ROCK1: variants seen among roughly 807,000 people sequenced by gnomAD.
ROCK1 encodes Rho associated coiled-coil containing protein kinase 1.
A neutral mutation model predicts 196.8 loss-of-function variants in ROCK1; 36 were observed. That is an observed-to-expected ratio of 0.18 (90% confidence interval 0.14 to 0.24). The LOEUF is 0.24. Among genes scored for constraint, ROCK1 ranks in the 10% least tolerant of loss-of-function variants. ROCK1 has a pLI of 1.00. For missense variants in ROCK1, 920 were observed against 1,562.0 expected, an observed-to-expected ratio of 0.59 and a Z score of 6.93; for synonymous variants, 443 against 515.9, an observed-to-expected ratio of 0.86 and a Z score of 1.91.
intron 8 of ROCK1, 99 bp from the exon 9 acceptor site, chr18:21,039,662 C>A: frequency 1.3e-6 from 1 of 781,722 alleles, no homozygotes; most frequent in South Asian, 1.5e-5. Context: ...CAGTGTAGGA[C>A]GACAAATATA....
chr18:21,039,674 T>C (rs1287854301), intron 8 of ROCK1, 111 bp from the exon 9 acceptor site: 6 of 700,748 alleles, frequency 8.6e-6, no homozygotes, highest in Non-Finnish European at 1.5e-5. Flanking sequence ...ACAAATATAG[T>C]TCTAAGGTGA....
chr18:21,023,385 CT>C (rs2035930520), intron 11 of ROCK1, among the ~76,000 whole-genome samples: 1 of 152,068 alleles, frequency 6.6e-6, no homozygotes, highest in Non-Finnish European at 1.5e-5. Context: ...AAGATGACCA[CT>C]GTCAATCTGT....
chr18:21,056,843 G>C (rs1317933751), intron 2 of ROCK1, among the ~76,000 whole-genome samples: 1 of 152,098 alleles, frequency 6.6e-6, no homozygotes, highest in East Asian at 1.9e-4. Context: ...AAACAGGCCA[G>C]GTACACTCTC....
At chr18:21,076,729 C>G (rs2036435443) in intron 1 of ROCK1, among the ~76,000 whole-genome samples, 1 of 151,748 alleles carries the variant, frequency 6.6e-6, no homozygotes, top group Admixed American at 6.6e-5. Context: ...TTTTAAGTCA[C>G]TATCAGATGT....
intron 1 of ROCK1, among the ~76,000 whole-genome samples, chr18:21,071,603 C>G (rs777590231): frequency 3.9e-5 from 6 of 152,136 alleles, no homozygotes; most frequent in Non-Finnish European, 8.8e-5. Flanking sequence ...ATGGCAGGAA[C>G]TGGAAGAACT....
At chr18:21,068,266 C>T (rs981105047) in intron 2 of ROCK1, among the ~76,000 whole-genome samples, 27 of 152,186 alleles carry the variant, frequency 1.8e-4, no homozygotes, top group African/African-American at 6.3e-4. Flanking sequence ...GAGGCTTGAA[C>T]ATTGAATTAT....
chr18:20,982,881 G>T, intron 20 of ROCK1, 49 bp from the exon 21 acceptor site: 3 of 783,250 alleles, frequency 3.8e-6, no homozygotes, highest in East Asian at 5.3e-5. Flanking sequence ...ACTTATACTA[G>T]ACTTCATTTT....
In ROCK1 at chr18:21,004,926, T is replaced by C. The variant is rs568840679; in HGVS notation, c.1885+1425A>G. Among the ~76,000 whole-genome samples, 4 of 152,288 alleles carry C rather than the reference T, an allele frequency of 2.6e-5. No individual in the cohort carries two copies. In the South Asian group the frequency reaches 8.3e-4, roughly 32 times the overall value. Reference sequence around the variant, plus strand: ...AGCTAAGAACCAACAGGAGATTGTATTTTCTGTTTCCTTAGTCACAAAAAC... The same window carrying C: ...AGCTAAGAACCAACAGGAGATTGTACTTTCTGTTTCCTTAGTCACAAAAAC... On this transcript the variant is annotated intron_variant, in intron 16 of 32. Coordinates refer to ENST00000399799, the MANE Select transcript of ROCK1 (RefSeq NM_005406.3).
intron 17 of ROCK1, among the ~76,000 whole-genome samples, chr18:20,991,660 G>A (rs2035627454): frequency 1.3e-5 from 2 of 151,164 alleles, no homozygotes; most frequent in South Asian, 4.2e-4. Context: ...AAAGAGATGA[G>A]GTCTCACTCT....
chr18:20,952,867 A>C (rs1024923080), intron 32 of ROCK1, among the ~76,000 whole-genome samples: 1 of 151,994 alleles, frequency 6.6e-6, no homozygotes, highest in Non-Finnish European at 1.5e-5. Flanking sequence ...GCAAACTAAC[A>C]CAGGAATAGA....
chr18:21,086,027 G>A (rs551604076), intron 1 of ROCK1, among the ~76,000 whole-genome samples: 50 of 152,094 alleles, frequency 3.3e-4, no homozygotes, highest in African/African-American at 1.2e-3. Flanking sequence ...TTTCTCAAAC[G>A]ATTCTTTTAA....
At chr18:21,035,165 G>A (rs1432297397) in intron 9 of ROCK1, among the ~76,000 whole-genome samples, 1 of 152,218 alleles carries the variant, frequency 6.6e-6, no homozygotes, top group Non-Finnish European at 1.5e-5. Flanking sequence ...TGGAGATGTG[G>A]AGAAACCAGA....
At chr18:21,017,104 A>G (rs2035869221) in intron 12 of ROCK1, among the ~76,000 whole-genome samples, 1 of 152,016 alleles carries the variant, frequency 6.6e-6, no homozygotes. Context: ...GATCTCTGAC[A>G]AAACAGTACA....
chr18:20,978,264 G>GT (rs1568373301), intron 22 of ROCK1, among the ~76,000 whole-genome samples: 1 of 151,032 alleles, frequency 6.6e-6, no homozygotes, highest in African/African-American at 2.4e-5. Context: ...AACACCTAAT[G>GT]TATTAAGGAT....
At chr18:20,988,727 C>T (rs2143401650) in intron 18 of ROCK1, among the ~76,000 whole-genome samples, 1 of 152,288 alleles carries the variant, frequency 6.6e-6, no homozygotes, top group African/African-American at 2.4e-5. Context: ...AACCCCCATC[C>T]AGGGCAGTGC....
chr18:21,057,264 A>G (rs760964453), intron 2 of ROCK1, among the ~76,000 whole-genome samples: 1 of 152,196 alleles, frequency 6.6e-6, no homozygotes, highest in African/African-American at 2.4e-5. Context: ...AAATACTACT[A>G]TGCAACATAT....
chr18:21,033,148 G>A (rs2036024552), intron 9 of ROCK1, among the ~76,000 whole-genome samples: 1 of 152,018 alleles, frequency 6.6e-6, no homozygotes, highest in Non-Finnish European at 1.5e-5. Context: ...AGTGAGCTAA[G>A]ATCATGGCAC....
At chr18:20,979,201 T>G (rs1381981418) in intron 22 of ROCK1, among the ~76,000 whole-genome samples, 5 of 152,134 alleles carry the variant, frequency 3.3e-5, no homozygotes, top group Admixed American at 3.3e-4. Context: ...AATGCTGGTA[T>G]TACAGGCATG....
At chr18:21,097,925 G>T (rs1371298398) in intron 1 of ROCK1, among the ~76,000 whole-genome samples, 1 of 152,246 alleles carries the variant, frequency 6.6e-6, no homozygotes, top group African/African-American at 2.4e-5. Flanking sequence ...ATTCATGCCT[G>T]ACAAGGCAGT....
Sources: allele counts gnomAD v4.1 joint callset (sites outside exome capture counted in the v4.1 genomes callset), GRCh38; gene constraint gnomAD v4.1.1; transcripts MANE v1.5; gene names NCBI Gene and HGNC (gene_info 2026-07-23, HGNC 2026-07-21).